Variants in C8orf34 observed in about 807,000 individuals in gnomAD.
C8orf34 encodes chromosome 8 open reading frame 34, also known as uncharacterized protein C8orf34.
A neutral mutation model predicts 68.3 loss-of-function variants in C8orf34; 65 were observed. That is an observed-to-expected ratio of 0.95 (90% CI 0.78 to 1.17). C8orf34 has a LOEUF of 1.17. Among genes scored for constraint, C8orf34 ranks in the 50% most tolerant of loss-of-function variants. The pLI is 0.00. For missense variants in C8orf34, 664 were observed against 655.4 expected (o/e 1.01, Z -0.14); for synonymous variants, 244 against 241.2 (o/e 1.01, Z -0.11).
chr8:68,799,775 A>G (rs985736193), intron 12 of C8orf34, among the ~76,000 whole-genome samples: 1 of 152,204 alleles, frequency 6.6e-6, no homozygotes, highest in Admixed American at 6.5e-5. Flanking sequence ...AGAGAAGTAA[A>G]ATGTTAAAGA....
intron 8 of C8orf34, among the ~76,000 whole-genome samples, chr8:68,680,557 C>G (rs12681248): frequency 0.42 from 63,658 of 151,696 alleles, 13,645 homozygotes; most frequent in East Asian, 0.57. Context: ...CAGGGAGTAG[C>G]TACAAAGATC....
At chr8:68,356,769 A>G (rs867827204) in intron 1 of C8orf34, among the ~76,000 whole-genome samples, 7 of 152,162 alleles carry the variant, frequency 4.6e-5, no homozygotes, top group Non-Finnish European at 8.8e-5. Context: ...TCATTGGTAT[A>G]TGTAGTATTC....
Position 68,521,793 on chromosome 8 carries a change from C to T in C8orf34, c.766-6C>T, listed in dbSNP as rs558618696. 4 of 1,609,510 alleles carry T rather than the reference C, an allele frequency of 2.5e-6. No individual in the cohort carries two copies. The highest frequency in any genetic ancestry group is 1.1e-5 in the South Asian group (1 of 90,342). On this transcript the variant is annotated splice_polypyrimidine_tract_variant and splice_region_variant and intron_variant, in intron 5 of 13. Transcript: ENST00000518698. ...CTAAGACAGCATATTCTTTTCTTCT[C>T]TTCAGGAAACAGTGACATTTAATTC...
chr8:68,767,980 T>C (rs1823229269), intron 10 of C8orf34, among the ~76,000 whole-genome samples: 1 of 152,256 alleles, frequency 6.6e-6, no homozygotes, highest in African/African-American at 2.4e-5. Context: ...GGTGAGCCAG[T>C]AATACAGTTC....
chr8:68,804,289 T>G (rs768975747), intron 12 of C8orf34, among the ~76,000 whole-genome samples: 1 of 152,202 alleles, frequency 6.6e-6, no homozygotes, highest in Non-Finnish European at 1.5e-5. Flanking sequence ...TGAGGACAGA[T>G]AGCAGATGTT....
At chr8:68,399,849 A>AC (rs1356110345) in intron 1 of C8orf34, among the ~76,000 whole-genome samples, 1 of 152,058 alleles carries the variant, frequency 6.6e-6, no homozygotes, top group Non-Finnish European at 1.5e-5. Flanking sequence ...TCATTTAATA[A>AC]CCATTCTGAG....
chr8:68,614,901 T>C (rs1213741533), intron 7 of C8orf34, among the ~76,000 whole-genome samples: 1 of 151,938 alleles, frequency 6.6e-6, no homozygotes, highest in South Asian at 2.1e-4. Context: ...TTTCACGATA[T>C]TGATTCTTCC....
intron 1 of C8orf34, among the ~76,000 whole-genome samples, chr8:68,344,321 T>C (rs1188525941): frequency 6.6e-6 from 1 of 152,204 alleles, no homozygotes; most frequent in Admixed American, 6.5e-5. Flanking sequence ...AAAGTTTACG[T>C]ATTATATGAT....
intron 8 of C8orf34, among the ~76,000 whole-genome samples, chr8:68,706,891 C>T (rs1197687483): frequency 6.6e-6 from 1 of 152,072 alleles, no homozygotes; most frequent in Non-Finnish European, 1.5e-5. Context: ...TCCTGGAAGA[C>T]CCTTAGAGAA....
In C8orf34 at chr8:68,594,414, AAATT is replaced by A. The variant is rs779046268; in HGVS notation, c.1106-45961_1106-45958del. Among the ~76,000 whole-genome samples, 253 of 152,152 alleles carry A rather than the reference AAATT, an allele frequency of 1.7e-3. 1 individual carries two copies. Among genetic ancestry groups the A allele is most frequent in the Admixed American group, 4.8e-3 (73 of 15,260 alleles). On this transcript the variant is annotated intron_variant, in intron 7 of 13. Transcript: ENST00000518698. ...TCCTCTTACGATGTTTTTCTATATT[AAATT>A]GTCTTTTATCTAAAAAATATGTATT...
chr8:68,549,369 C>T (rs1253454730), intron 7 of C8orf34, among the ~76,000 whole-genome samples: 2 of 151,614 alleles, frequency 1.3e-5, no homozygotes, highest in African/African-American at 4.8e-5. Context: ...TTAATTTAAT[C>T]ATAAGAAATT....
rs1332535200 is a variant in C8orf34 at position 68,774,327 on chromosome 8, G to GTATATATATA, written c.1405-2071_1405-2070insATATATATAT. Among the ~76,000 whole-genome samples the GTATATATATA allele has an allele frequency of 8.5e-3, 815 of 96,068 alleles. 58 individuals carry two copies. Among genetic ancestry groups the GTATATATATA allele is most frequent in the African/African-American group, 0.034 (729 of 21,550 alleles). 63.0% of individuals were successfully genotyped at this position (96,068 alleles called of 152,430 possible). ...TATCTATGTATAAAAATATGGGTGT[G>GTATATATATA]TGTGTATATATATATATATATAAAA... On this transcript the variant is annotated intron_variant, in intron 10 of 13. Transcript: ENST00000518698.
chr8:68,721,460 T>A, intron 10 of C8orf34, 23 bp downstream of exon 10: 1 of 1,473,250 alleles, frequency 6.8e-7, no homozygotes, highest in Non-Finnish European at 9.4e-7. Context: ...ATTGACTTAT[T>A]TTTTTTAATT....
intron 5 of C8orf34, among the ~76,000 whole-genome samples, chr8:68,519,926 A>T (rs1814680447): frequency 1.3e-5 from 2 of 152,224 alleles, no homozygotes; most frequent in Non-Finnish European, 1.5e-5. Context: ...ATTCAAAAAC[A>T]TGTCTTCACA....
chr8:68,713,820 C>G (rs541963399), intron 9 of C8orf34, among the ~76,000 whole-genome samples: 7 of 152,142 alleles, frequency 4.6e-5, no homozygotes, highest in African/African-American at 1.7e-4. Flanking sequence ...AATGCCAAAA[C>G]CAGGGAAGGA....
At chr8:68,639,922 A>G (rs1187341283) in intron 7 of C8orf34, among the ~76,000 whole-genome samples, 8 of 152,232 alleles carry the variant, frequency 5.3e-5, no homozygotes, top group Admixed American at 5.2e-4. Flanking sequence ...CAGACTCGTT[A>G]GAAACGGAGG....
intron 10 of C8orf34, among the ~76,000 whole-genome samples, chr8:68,734,075 A>G (rs1412235471): frequency 1.6e-4 from 24 of 152,154 alleles, no homozygotes; most frequent in Admixed American, 1.6e-3. Flanking sequence ...ATACAAGCAT[A>G]TTTTAAAAAA....
intron 1 of C8orf34, among the ~76,000 whole-genome samples, chr8:68,343,970 G>A (rs1806178601): frequency 6.6e-6 from 1 of 152,092 alleles, no homozygotes; most frequent in South Asian, 2.1e-4. Context: ...TAAGCAATCT[G>A]CCTGTCTCGG....
At chr8:68,496,975 C>T (rs988955577) in intron 5 of C8orf34, among the ~76,000 whole-genome samples, 3 of 152,088 alleles carry the variant, frequency 2.0e-5, no homozygotes, top group African/African-American at 7.2e-5. Flanking sequence ...GGTAAAATTT[C>T]TAATACTAAG....
Sources: allele counts gnomAD v4.1 joint callset (sites outside exome capture counted in the v4.1 genomes callset), GRCh38; gene constraint gnomAD v4.1.1; transcripts MANE v1.5; gene names NCBI Gene and HGNC (gene_info 2026-07-23, HGNC 2026-07-21).